Variants in FANCC observed in about 807,000 individuals in gnomAD.
FANCC encodes Fanconi anemia group C protein.
FANCC carries 55 observed loss-of-function variants against 71.3 expected under a neutral mutation model. The ratio of observed to expected loss-of-function variants is 0.77; its 90% confidence interval spans 0.62 to 0.97. FANCC has a LOEUF of 0.97. Ranked by LOEUF, FANCC falls within the 50% of genes least tolerant of loss-of-function variation. FANCC has a pLI of 0.00. For missense variants in FANCC, 678 were observed against 670.9 expected, an observed-to-expected ratio of 1.01 and a Z score of -0.12; for synonymous variants, 275 against 244.9, an observed-to-expected ratio of 1.12 and a Z score of -1.15.
At chr9:95,167,438 T>G (rs1477339015) in intron 6 of FANCC, among the ~76,000 whole-genome samples, 1 of 152,182 alleles carries the variant, frequency 6.6e-6, no homozygotes, top group African/African-American at 2.4e-5. Flanking sequence ...ACAAAATGTG[T>G]GTATTGTTCC....
chr9:95,106,965 TG>T, intron 14 of FANCC, 100 bp downstream of exon 14: 3 of 1,157,656 alleles, frequency 2.6e-6, no homozygotes, highest in Non-Finnish European at 3.8e-6. Context: ...GGCAGCATCC[TG>T]GTACACACAC....
Position 95,111,627 on chromosome 9 carries a change from C to T in FANCC, c.1165G>A (p.Gly389Ser). ...AACAGGAACCAGCTCTCAAAGGGAC[C>T]TCCGCAGGACCTGGAACAGAGGCAG... ...VEDQTHGSCG[G>S]PFESWFLFIH... The change falls in exon 13 of 15, where the codon GGT becomes AGT. Residue 389 changes from glycine to serine, a missense_variant. Coordinates refer to ENST00000289081, the MANE Select transcript of FANCC (RefSeq NM_000136.3). The T allele has an allele frequency of 6.2e-7, 1 of 1,614,174 alleles. No individual in the cohort carries two copies. Among genetic ancestry groups the T allele is most frequent in the East Asian group, 2.2e-5 (1 of 44,890 alleles).
chr9:95,159,580 T>C (rs1284009444), intron 6 of FANCC, among the ~76,000 whole-genome samples: 1 of 152,236 alleles, frequency 6.6e-6, no homozygotes, highest in Admixed American at 6.5e-5. Flanking sequence ...ATGGTATTTC[T>C]AGTTCTAGAT....
intron 4 of FANCC, among the ~76,000 whole-genome samples, chr9:95,197,339 C>T (rs1827518995): frequency 6.6e-6 from 1 of 152,142 alleles, no homozygotes; most frequent in South Asian, 2.1e-4. Context: ...AAGTTCCAGA[C>T]CAGCCTGGGT....
chr9:95,214,197 G>C (rs1003589066), intron 4 of FANCC, among the ~76,000 whole-genome samples: 5 of 152,196 alleles, frequency 3.3e-5, no homozygotes, highest in African/African-American at 1.2e-4. Flanking sequence ...GGAGGCCGAG[G>C]CAGGAGGACT....
In FANCC at chr9:95,101,851, C is replaced by G. The variant is rs1364238660; in HGVS notation, c.1534-1G>C. On this transcript the variant is annotated splice_acceptor_variant, in intron 14 of 14. Coordinates refer to ENST00000289081, the MANE Select transcript of FANCC (RefSeq NM_000136.3). LOFTEE classifies it high-confidence loss of function. ...GAGTTATCTCAGCAGTGTGAGCCAT[C>G]TGCAATCAGGACAGAAGAGAAGGCA... 1 of 1,613,932 alleles carries G rather than the reference C, an allele frequency of 6.2e-7. No homozygotes were observed. Among genetic ancestry groups the G allele is most frequent in the South Asian group, 1.1e-5 (1 of 91,084 alleles).
chr9:95,145,406 T>C (rs1829393012), intron 7 of FANCC: 1 of 152,210 alleles, frequency 6.6e-6, no homozygotes, highest in Non-Finnish European at 1.5e-5. Flanking sequence ...AAAACGTATG[T>C]GTTCTTGAAC....
chr9:95,273,147 C>T (rs989257366), intron 1 of FANCC, among the ~76,000 whole-genome samples: 3 of 152,164 alleles, frequency 2.0e-5, no homozygotes, highest in African/African-American at 2.4e-5. Context: ...GATGAAATGA[C>T]GTAGGCATTC....
At chr9:95,162,830 G>A (rs1339091346) in intron 6 of FANCC, among the ~76,000 whole-genome samples, 1 of 152,102 alleles carries the variant, frequency 6.6e-6, no homozygotes, top group Non-Finnish European at 1.5e-5. Flanking sequence ...TTGAGTTGCA[G>A]GAATTCTCTG....
At chr9:95,278,665 A>G (rs1190413580) in intron 1 of FANCC, among the ~76,000 whole-genome samples, 2 of 152,164 alleles carry the variant, frequency 1.3e-5, no homozygotes, top group African/African-American at 4.8e-5. Flanking sequence ...TAGGTGTATT[A>G]AGTGAATTTC....
intron 6 of FANCC, among the ~76,000 whole-genome samples, chr9:95,154,002 T>C (rs1830322026): frequency 6.6e-6 from 1 of 151,974 alleles, no homozygotes; most frequent in South Asian, 2.1e-4. Flanking sequence ...TCCCAGCACT[T>C]TGGGAGGCCG....
rs58720791 is a variant in FANCC at position 95,154,245 on chromosome 9, CAA to C, written c.522-4160_522-4159del. ...AGGGTGACAGAGCAAGACTCCGTCT[CAA>C]AAAAAAAAAAAAAAAAAAAAAAAAT... On this transcript the variant is annotated intron_variant, in intron 6 of 14. Transcript: ENST00000289081. Among the ~76,000 whole-genome samples, 276 of 49,906 alleles carry C rather than the reference CAA, an allele frequency of 5.5e-3. 1 individual carries two copies. Among genetic ancestry groups the C allele is most frequent in the African/African-American group, 0.019 (240 of 12,944 alleles). The allele number at this position is 49,906 out of a possible 152,430, so 32.7% of individuals were successfully genotyped here. A position where few individuals can be genotyped will look rare whatever the true frequency, so the allele number is the denominator to read the frequency against.
At chr9:95,286,345 T>C (rs1833686578) in intron 1 of FANCC, among the ~76,000 whole-genome samples, 1 of 152,202 alleles carries the variant, frequency 6.6e-6, no homozygotes, top group African/African-American at 2.4e-5. Flanking sequence ...AGTGACTGTA[T>C]CCTAGGCCAA....
rs61093923 is a variant in FANCC at position 95,146,487 on chromosome 9, C to CAAAAAA, written c.686+3430_686+3435dup. On this transcript the variant is annotated intron_variant, in intron 7 of 14. Transcript: ENST00000289081. Reference sequence around the variant, plus strand: ...TATGTGACAGAGTGAGACCCCATCTCAAAAAAAAAAAAAAAAAAAAAAAAA... The same window carrying CAAAAAA: ...TATGTGACAGAGTGAGACCCCATCTCAAAAAAAAAAAAAAAAAAAAAAAAAAAAAAA... Among the ~76,000 whole-genome samples the CAAAAAA allele has an allele frequency of 9.4e-3, 427 of 45,358 alleles. 21 individuals carry two copies. Among genetic ancestry groups the CAAAAAA allele is most frequent in the Middle Eastern group, 0.022 (1 of 46 alleles). The allele number at this position is 45,358 out of a possible 152,430, so 29.8% of individuals were successfully genotyped here.
At chr9:95,289,330 G>A (rs933603107) in intron 1 of FANCC, among the ~76,000 whole-genome samples, 1 of 152,002 alleles carries the variant, frequency 6.6e-6, no homozygotes, top group Non-Finnish European at 1.5e-5. Context: ...TAAATTAACA[G>A]GTATGATTTT....
At chr9:95,287,233 T>C (rs1382953342) in intron 1 of FANCC, among the ~76,000 whole-genome samples, 1 of 151,676 alleles carries the variant, frequency 6.6e-6, no homozygotes, top group African/African-American at 2.4e-5. Flanking sequence ...CTCATCCACA[T>C]GGTATGTCAG....
At chr9:95,185,172 T>C (rs989748859) in intron 4 of FANCC, among the ~76,000 whole-genome samples, 1 of 152,238 alleles carries the variant, frequency 6.6e-6, no homozygotes, top group African/African-American at 2.4e-5. Context: ...ATAAAAAGTA[T>C]TTCAGTCTCC....
intron 1 of FANCC, among the ~76,000 whole-genome samples, chr9:95,308,095 T>C (rs1270259419): frequency 6.6e-6 from 1 of 152,198 alleles, no homozygotes; most frequent in Non-Finnish European, 1.5e-5. Flanking sequence ...CATTTAGTCA[T>C]AGCCACTTTG....
At chr9:95,218,499 C>T (rs540694434) in intron 4 of FANCC, among the ~76,000 whole-genome samples, 3 of 151,932 alleles carry the variant, frequency 2.0e-5, no homozygotes, top group Non-Finnish European at 4.4e-5. Flanking sequence ...ACCCTGATGT[C>T]GAAACAAAGA....
Sources: allele counts gnomAD v4.1 joint callset (sites outside exome capture counted in the v4.1 genomes callset), GRCh38; gene constraint gnomAD v4.1.1; transcripts MANE v1.5; gene names NCBI Gene and HGNC (gene_info 2026-07-23, HGNC 2026-07-21).